CLTC: variants seen among roughly 807,000 people sequenced by gnomAD.
CLTC encodes the protein clathrin heavy chain 1.
Under a neutral mutation model 195.8 loss-of-function variants are expected in CLTC, and 16 were observed. The ratio of observed to expected loss-of-function variants is 0.08; its 90% CI spans 0.06 to 0.12. CLTC has a LOEUF of 0.12. Ranked by LOEUF, CLTC falls within the 10% of genes least tolerant of loss-of-function variation. The probability of loss-of-function intolerance (pLI) is 1.00; values close to 1 mark genes in which losing one functional copy is unlikely to be tolerated. For synonymous variants in CLTC, 667 were observed against 689.4 expected (o/e 0.97, Z 0.51); for missense variants, 796 against 2,027.0 (o/e 0.39, Z 11.66).
chr17:59,621,088 G>T (rs927550367), intron 1 of CLTC, among the ~76,000 whole-genome samples: 2 of 152,210 alleles, frequency 1.3e-5, no homozygotes, highest in Admixed American at 6.5e-5. Flanking sequence ...TTTGGTCTGT[G>T]ACTGGCTTCC....
At position 59,666,940 on chromosome 17, in the gene CLTC, T is replaced by C. The variant is rs768508471; in HGVS notation, c.2091T>C (p.Ser697=). 2.5e-6 allele frequency: 4 copies of C among 1,613,558 alleles called. No individual in the cohort carries two copies. Among genetic ancestry groups the C allele is most frequent in the Non-Finnish European group, 3.4e-6 (4 of 1,179,802 alleles). ...ATCATGAACAACTGTCAACTCAGTCTCTGATTGAACTTTTTGAATCTTTCA... is the reference window on the plus strand; with the variant it reads ...ATCATGAACAACTGTCAACTCAGTCCCTGATTGAACTTTTTGAATCTTTCA... The part of the protein sequence containing the change: ...SKYHEQLSTQ[S]LIELFESFKS... Residue 697 remains serine (S), a synonymous_variant, in exon 13 of 32, where the codon TCT becomes TCC. Coordinates refer to ENST00000269122, the MANE Select transcript of CLTC (RefSeq NM_004859.4). The surrounding 1 kb of genome is among the most constrained non-coding windows in gnomAD (Gnocchi z 4.9).
At chr17:59,641,030 A>G (rs1180707623) in intron 1 of CLTC, among the ~76,000 whole-genome samples, 1 of 150,802 alleles carries the variant, frequency 6.6e-6, no homozygotes, top group Non-Finnish European at 1.5e-5. Context: ...GAGGCAGGAG[A>G]ATTGCTTGAA....
intron 30 of CLTC, chr17:59,686,983 T>G (rs1333323469): frequency 5.3e-5 from 52 of 988,474 alleles, no homozygotes; most frequent in Non-Finnish European, 6.0e-5. Flanking sequence ...AAGCTGCACC[T>G]TCTGAATTCC....
Position 59,676,997 on chromosome 17 carries a change from G to A in CLTC, c.2605G>A (p.Gly869Ser). The change falls in exon 17 of 32, where the codon GGC (glycine) becomes AGC (serine). Residue 869 changes from glycine (G) to serine (S), a missense_variant. Physicochemically the swap from Gly to Ser is moderately conservative, Grantham distance 56. Coordinates refer to ENST00000269122, the MANE Select transcript of CLTC (RefSeq NM_004859.4). ...LPWLEARIHE[G>S]CEEPATHNAL... ...TTGGCTAGAGGCCAGAATTCATGAG[G>A]GCTGTGAGGAGCCTGCTACTCACAA... 1 of 1,614,046 alleles carries A rather than the reference G, an allele frequency of 6.2e-7. No individual in the cohort carries two copies. The highest frequency in any genetic ancestry group is 8.5e-7 in the Non-Finnish European group (1 of 1,179,996).
At chr17:59,653,113 A>T (rs988232072) in intron 5 of CLTC, among the ~76,000 whole-genome samples, 1 of 152,124 alleles carries the variant, frequency 6.6e-6, no homozygotes, top group African/African-American at 2.4e-5. Context: ...CTTAAACTAG[A>T]TTAGGCTTTG....
At chr17:59,642,622 A>T (rs1311371738) in intron 1 of CLTC, among the ~76,000 whole-genome samples, 1 of 152,344 alleles carries the variant, frequency 6.6e-6, no homozygotes, top group East Asian at 1.9e-4. Flanking sequence ...AGAAGTTAAA[A>T]TTAATGGTTT....
In CLTC at chr17:59,693,960, A is replaced by AAAGG; in HGVS notation, c.*108_*109insAAGG. On this transcript the variant is annotated 3_prime_UTR_variant, in exon 32 of 32. Coordinates refer to ENST00000269122, the MANE Select transcript of CLTC (RefSeq NM_004859.4). ...CAGGCAACGTGTTCTTGTAACCTTTATTTCATGAAGGACTTCTTTTTGTTT... is the reference window on the plus strand; with the variant it reads ...CAGGCAACGTGTTCTTGTAACCTTTAAAGGTTTCATGAAGGACTTCTTTTTGTTT... 1 of 1,200,790 alleles carries AAAGG rather than the reference A, an allele frequency of 8.3e-7. No individual in the cohort carries two copies. The allele number at this position is 1,200,790 out of a possible 1,614,324, so 74.4% of individuals were successfully genotyped here.
chr17:59,683,088 T>C lies in CLTC; in HGVS notation c.3874-7T>C. The C allele has an allele frequency of 5.0e-6, 8 of 1,614,032 alleles. No individual in the cohort carries two copies. Among genetic ancestry groups the C allele is most frequent in the Non-Finnish European group, 5.9e-6 (7 of 1,179,936 alleles). On this transcript the variant is annotated splice_region_variant and splice_polypyrimidine_tract_variant and intron_variant, in intron 24 of 31. Coordinates refer to ENST00000269122, the MANE Select transcript of CLTC (RefSeq NM_004859.4). This position sits in a 1 kb window ranked among gnomAD's most constrained non-coding sequence, Gnocchi z 6.1. ...CTTATCTTTAACTGCACATTTCTCT[T>C]GTTCAGGATCGTGGCTATTTTGAAG...
intron 10 of CLTC, among the ~76,000 whole-genome samples, chr17:59,665,190 A>T (rs564441072): frequency 2.1e-3 from 320 of 151,392 alleles, no homozygotes; most frequent in African/African-American, 7.5e-3. Flanking sequence ...GTGCCATTGG[A>T]CTCCAACCTG....
chr17:59,693,705 CTT>C, intron 31 of CLTC, 21 bp from the exon 32 acceptor site: 1 of 1,605,240 alleles, frequency 6.2e-7, no homozygotes, highest in Non-Finnish European at 8.5e-7. Flanking sequence ...CCCCCTGCTC[CTT>C]TTTGTTTTCT....
At chr17:59,678,755 C>A (rs958890304) in intron 17 of CLTC, among the ~76,000 whole-genome samples, 1 of 152,194 alleles carries the variant, frequency 6.6e-6, no homozygotes, top group African/African-American at 2.4e-5. Flanking sequence ...AATCCCAGCA[C>A]TTTGGGAGGC....
At chr17:59,690,575 C>T in intron 30 of CLTC, 61 bp from the exon 31 acceptor site, 2 of 1,171,984 alleles carry the variant, frequency 1.7e-6, no homozygotes, top group South Asian at 1.3e-5. Flanking sequence ...CCACTTTCTG[C>T]CATAAACCTA....
intron 1 of CLTC, among the ~76,000 whole-genome samples, chr17:59,638,738 C>A (rs191105468): frequency 6.1e-4 from 93 of 152,116 alleles, no homozygotes; most frequent in African/African-American, 2.1e-3. Context: ...AGAGCTCAGG[C>A]GGTGATGACT....
At chr17:59,636,258 C>A (rs1304244969) in intron 1 of CLTC, among the ~76,000 whole-genome samples, 1 of 152,196 alleles carries the variant, frequency 6.6e-6, no homozygotes, top group African/African-American at 2.4e-5. Flanking sequence ...CTTAACCTTT[C>A]ATGGAGCACC....
rs146137742 is a variant in CLTC at position 59,666,179 on chromosome 17, G to A, written c.1721G>A (p.Arg574His). Residue 574 changes from arginine to histidine, a missense_variant, in exon 11 of 32, where the codon CGC becomes CAC. Around this residue, in one of 9 missense-constraint regions of CLTC, gnomAD observed 293 missense variants for 795.6 expected, o/e 0.37. Coordinates refer to ENST00000269122, the MANE Select transcript of CLTC (RefSeq NM_004859.4). This position sits in a 1 kb window ranked among gnomAD's most constrained non-coding sequence, Gnocchi z 4.9. ...AFLLDALKNN[R>H]PSEGPLQTRL... ...TTGCTTGATGCTCTGAAGAATAATC[G>A]CCCATCTGAAGGTCCTTTACAGACG... The A allele has an allele frequency of 1.5e-5, 25 of 1,613,634 alleles. No homozygotes were observed. Among genetic ancestry groups the A allele is most frequent in the East Asian group, 2.2e-5 (1 of 44,870 alleles).
At chr17:59,657,266 A>G (rs2032493744) in intron 6 of CLTC, among the ~76,000 whole-genome samples, 1 of 152,010 alleles carries the variant, frequency 6.6e-6, no homozygotes, top group Admixed American at 6.5e-5. Flanking sequence ...TTTGCTCTGT[A>G]CTCCTAGAAC....
chr17:59,664,509 C>T (rs944061747), intron 9 of CLTC, among the ~76,000 whole-genome samples: 2 of 147,058 alleles, frequency 1.4e-5, no homozygotes, highest in African/African-American at 2.5e-5. Context: ...CGAGATTGCA[C>T]CTCTGCACTC....
chr17:59,692,094 G>A (rs775782233), intron 31 of CLTC, among the ~76,000 whole-genome samples: 6 of 152,132 alleles, frequency 3.9e-5, no homozygotes, highest in Non-Finnish European at 7.4e-5. Context: ...CAAGGTGGGC[G>A]GATCATGAGG....
intron 1 of CLTC, among the ~76,000 whole-genome samples, chr17:59,625,129 G>A (rs1427973357): frequency 7.4e-6 from 1 of 135,862 alleles, no homozygotes; most frequent in East Asian, 2.2e-4. Flanking sequence ...CTTTTTTTTT[G>A]AGACAAAGTC....
Sources: allele counts gnomAD v4.1 joint callset (sites outside exome capture counted in the v4.1 genomes callset), GRCh38; gene constraint gnomAD v4.1.1; regional missense constraint gnomAD v4.1.1; non-coding constraint Gnocchi (gnomAD v3.1); transcripts MANE v1.5; gene names NCBI Gene and HGNC (gene_info 2026-07-23, HGNC 2026-07-21).